Variants in ITPR2 observed in about 807,000 individuals in gnomAD.
ITPR2 encodes inositol 1,4,5-trisphosphate receptor type 2.
Under a neutral mutation model 317.1 loss-of-function variants are expected in ITPR2, and 207 were observed. That is an observed-to-expected ratio of 0.65 (90% CI 0.58 to 0.73). The LOEUF (loss-of-function observed/expected upper bound fraction) is 0.73. Among genes scored for constraint, ITPR2 ranks in the 30% least tolerant of loss-of-function variants. ITPR2 has a pLI of 0.00. For missense variants in ITPR2, 2,613 were observed against 3,284.0 expected (o/e 0.80, Z 4.99); for synonymous variants, 1,156 against 1,149.1 (o/e 1.01, Z -0.12).
At chr12:26,666,150 A>ATAGG (rs1947626011) in intron 13 of ITPR2, 99 bp from the exon 14 acceptor site, 6 of 411,378 alleles carry the variant, frequency 1.5e-5, no homozygotes, top group Middle Eastern at 5.1e-4. Flanking sequence ...AGATAGATAG[A>ATAGG]TAGATAGATA....
At chr12:26,351,794 G>A (rs1441741598) in intron 55 of ITPR2, among the ~76,000 whole-genome samples, 5 of 152,106 alleles carry the variant, frequency 3.3e-5, no homozygotes, top group African/African-American at 9.7e-5. Flanking sequence ...ATCTCCTTGG[G>A]ACTTTAAGCC....
At chr12:26,350,184 G>T (rs137953101) in intron 55 of ITPR2, among the ~76,000 whole-genome samples, 324 of 152,168 alleles carry the variant, frequency 2.1e-3, no homozygotes, top group African/African-American at 7.2e-3. Flanking sequence ...GAGGGAAGCA[G>T]GTAAGTGAGG....
chr12:26,594,876 AT>A (rs1301007883), intron 32 of ITPR2, among the ~76,000 whole-genome samples: 1 of 152,242 alleles, frequency 6.6e-6, no homozygotes, highest in African/African-American at 2.4e-5. Context: ...TATCTAGAAA[AT>A]GCCAACCAGC....
At chr12:26,397,563 C>G (rs1940038406) in intron 54 of ITPR2, among the ~76,000 whole-genome samples, 1 of 151,932 alleles carries the variant, frequency 6.6e-6, no homozygotes, top group Non-Finnish European at 1.5e-5. Flanking sequence ...CAAAATAGAT[C>G]GTGAACACCC....
intron 1 of ITPR2, among the ~76,000 whole-genome samples, chr12:26,813,332 C>T (rs1950789008): frequency 6.6e-6 from 1 of 152,094 alleles, no homozygotes. Context: ...TTAATTCATG[C>T]TTGTTGTGTA....
intron 1 of ITPR2, among the ~76,000 whole-genome samples, chr12:26,808,892 G>A (rs902005439): frequency 7.9e-5 from 12 of 152,126 alleles, no homozygotes; most frequent in Admixed American, 2.6e-4. Context: ...AATACTACAC[G>A]CCTTTACAAT....
intron 55 of ITPR2, among the ~76,000 whole-genome samples, chr12:26,345,856 T>C (rs1368022352): frequency 1.3e-5 from 2 of 148,922 alleles, no homozygotes; most frequent in Non-Finnish European, 3.0e-5. Flanking sequence ...CGACTTGTAA[T>C]ATGTATGCCA....
intron 15 of ITPR2, among the ~76,000 whole-genome samples, chr12:26,660,291 G>A (rs1003126412): frequency 2.0e-5 from 3 of 152,166 alleles, no homozygotes; most frequent in Non-Finnish European, 4.4e-5. Flanking sequence ...AAGCCACTGG[G>A]GAGGTTCAAT....
chr12:26,569,529 T>C (rs998454670), intron 34 of ITPR2, among the ~76,000 whole-genome samples: 154 of 142,800 alleles, frequency 1.1e-3, no homozygotes, highest in African/African-American at 3.7e-3. Flanking sequence ...CACTCCACCC[T>C]GGGCGACAGA....
chr12:26,814,576 C>A (rs1312662811), intron 1 of ITPR2, among the ~76,000 whole-genome samples: 1 of 152,146 alleles, frequency 6.6e-6, no homozygotes, highest in South Asian at 2.1e-4. Flanking sequence ...TCAGACTTCA[C>A]CATCAAGAAT....
chr12:26,756,980 C>A (rs1298926878), intron 2 of ITPR2, among the ~76,000 whole-genome samples: 1 of 152,116 alleles, frequency 6.6e-6, no homozygotes, highest in Non-Finnish European at 1.5e-5. Flanking sequence ...AAGCCTTTAC[C>A]AAGATAGCCA....
chr12:26,477,215 A>G (rs1445353155), intron 43 of ITPR2, among the ~76,000 whole-genome samples: 1 of 152,182 alleles, frequency 6.6e-6, no homozygotes, highest in African/African-American at 2.4e-5. Flanking sequence ...CATGAGAGCT[A>G]TGTTACAAGA....
chr12:26,467,602 G>A (rs1456461552), intron 45 of ITPR2, among the ~76,000 whole-genome samples: 82 of 152,082 alleles, frequency 5.4e-4, no homozygotes, highest in Non-Finnish European at 4.4e-5. Flanking sequence ...CACAGCAATG[G>A]CATTTTACAT....
intron 32 of ITPR2, among the ~76,000 whole-genome samples, chr12:26,590,271 G>T (rs181041376): frequency 6.6e-6 from 1 of 152,058 alleles, no homozygotes; most frequent in Non-Finnish European, 1.5e-5. Flanking sequence ...TAATTTTGTC[G>T]TTTCAAAATA....
intron 1 of ITPR2, among the ~76,000 whole-genome samples, chr12:26,810,826 G>A (rs957982015): frequency 6.6e-6 from 1 of 151,878 alleles, no homozygotes; most frequent in African/African-American, 2.4e-5. Context: ...TTTTTGTTTG[G>A]TTTCATTTAT....
chr12:26,792,983 CCTT>C (rs1950369629), intron 1 of ITPR2, among the ~76,000 whole-genome samples: 4 of 152,204 alleles, frequency 2.6e-5, no homozygotes, highest in South Asian at 4.1e-4. Flanking sequence ...ACTATTACCT[CCTT>C]CTTTCTGATA....
chr12:26,797,092 C>CA lies in ITPR2; in HGVS notation c.93-6866dup, dbSNP rs552528250. ...ATAATTTCATACAGTAGAAAACTACCAAAAAAATGAATAAATTGTACTGCA... is the reference window on the plus strand; with the variant it reads ...ATAATTTCATACAGTAGAAAACTACCAAAAAAAATGAATAAATTGTACTGCA... On this transcript the variant is annotated intron_variant, in intron 1 of 56. Transcript: ENST00000381340. Among the ~76,000 whole-genome samples, 24 of 151,136 alleles carry CA rather than the reference C, an allele frequency of 1.6e-4. No homozygotes were observed. In the South Asian group the frequency reaches 4.2e-3, roughly 27 times the overall value.
At chr12:26,589,853 TACACACACACAC>T (rs56044866) in intron 32 of ITPR2, among the ~76,000 whole-genome samples, 57 of 57,258 alleles carry the variant, frequency 1.0e-3, no homozygotes, top group African/African-American at 2.0e-3. Context: ...TATATATATA[TACACACACACAC>T]ACACACACAC....
chr12:26,360,474 T>C (rs1938791642), intron 55 of ITPR2, among the ~76,000 whole-genome samples: 1 of 152,196 alleles, frequency 6.6e-6, no homozygotes, highest in Non-Finnish European at 1.5e-5. Context: ...CGTTTTTGGC[T>C]TTGCCATACT....
Sources: allele counts gnomAD v4.1 joint callset (sites outside exome capture counted in the v4.1 genomes callset), GRCh38; gene constraint gnomAD v4.1.1; transcripts MANE v1.5; gene names NCBI Gene and HGNC (gene_info 2026-07-23, HGNC 2026-07-21).